GALNTL6: variants seen among roughly 807,000 people sequenced by gnomAD.
GALNTL6 encodes polypeptide N-acetylgalactosaminyltransferase like 6.
GALNTL6 carries 46 observed loss-of-function variants against 73.7 expected under a neutral mutation model. That is an observed-to-expected ratio of 0.62 (90% confidence interval 0.49 to 0.80). The LOEUF (loss-of-function observed/expected upper bound fraction) is 0.80. Ranked by LOEUF, GALNTL6 falls within the 30% of genes least tolerant of loss-of-function variation. The probability of loss-of-function intolerance (pLI) is 0.00; values close to 1 mark genes in which losing one functional copy is unlikely to be tolerated. For missense variants in GALNTL6, 604 were observed against 755.0 expected (o/e 0.80, Z 2.34); for synonymous variants, 259 against 263.7 (o/e 0.98, Z 0.17).
At chr4:172,575,234 C>CCGAGT (rs1736917221) in intron 5 of GALNTL6, among the ~76,000 whole-genome samples, 1 of 152,266 alleles carries the variant, frequency 6.6e-6, no homozygotes, top group African/African-American at 2.4e-5. Context: ...AATCTCTACT[C>CCGAGT]CTTTTATTTT....
Position 171,922,535 on chromosome 4 carries a change from A to AT in GALNTL6, c.138+107828dup, listed in dbSNP as rs60489832. 3.6e-3 allele frequency among the ~76,000 whole-genome samples: 535 copies of AT among 150,030 alleles called. 3 individuals are homozygous for AT. The highest frequency in any genetic ancestry group is 6.0e-3 in the Non-Finnish European group (401 of 67,120). ...ACACATATTTTTATTTATTGTGTGT[A>AT]TTTTTTTTTTTACATTGCTCCTTTT... On this transcript the variant is annotated intron_variant, in intron 2 of 12. Transcript: ENST00000506823.
Position 172,809,032 on chromosome 4 carries a change from T to C in GALNTL6, c.554-329T>C, listed in dbSNP as rs1741135067. Among the ~76,000 whole-genome samples, 2 of 152,234 alleles carry C rather than the reference T, an allele frequency of 1.3e-5. No homozygotes were observed. Among genetic ancestry groups the C allele is most frequent in the Non-Finnish European group, 2.9e-5 (2 of 68,030 alleles). On this transcript the variant is annotated intron_variant, in intron 5 of 12. Coordinates refer to ENST00000506823, the MANE Select transcript of GALNTL6 (RefSeq NM_001034845.3). This position sits in a 1 kb window ranked among gnomAD's most constrained non-coding sequence, Gnocchi z 4.4. ...CATTTCCAGGATTTTCATCTGACTT[T>C]ACCCAGCAGGACCAGAGGGCAGAAG...
intron 5 of GALNTL6, among the ~76,000 whole-genome samples, chr4:172,687,721 A>G (rs1037994026): frequency 1.3e-5 from 2 of 152,092 alleles, no homozygotes; most frequent in Admixed American, 1.3e-4. Context: ...AATGTTTGCA[A>G]TGCATTTGGG....
In GALNTL6 at chr4:172,475,958, A is replaced by G. The variant is rs1469528137; in HGVS notation, c.553+127269A>G. The stretch of plus-strand genomic sequence containing the variant: ...TTTGCCTTTTGCAGCATTTACTTGC[A>G]TCTGGATGCCATAATAATTTTTTTA... On this transcript the variant is annotated intron_variant, in intron 5 of 12. Coordinates refer to ENST00000506823, the MANE Select transcript of GALNTL6 (RefSeq NM_001034845.3). 2.6e-5 allele frequency among the ~76,000 whole-genome samples: 4 copies of G among 152,234 alleles called. No homozygotes were observed. In the East Asian group the frequency reaches 7.7e-4, roughly 29 times the overall value.
At chr4:172,839,197 G>C (rs527903106) in intron 7 of GALNTL6, among the ~76,000 whole-genome samples, 1 of 152,284 alleles carries the variant, frequency 6.6e-6, no homozygotes, top group East Asian at 1.9e-4. Flanking sequence ...GGTCTGAGCC[G>C]AAACCCAATA....
At chr4:172,912,391 G>A (rs1747256441) in intron 8 of GALNTL6, among the ~76,000 whole-genome samples, 1 of 152,166 alleles carries the variant, frequency 6.6e-6, no homozygotes, top group African/African-American at 2.4e-5. Context: ...TGCAGCCCGT[G>A]GAGTGTGAGC....
intron 5 of GALNTL6, among the ~76,000 whole-genome samples, chr4:172,776,194 T>C (rs752057663): frequency 2.0e-5 from 3 of 152,224 alleles, no homozygotes; most frequent in Non-Finnish European, 2.9e-5. Context: ...GAAACGCTAA[T>C]GTAAGATTTT....
intron 2 of GALNTL6, among the ~76,000 whole-genome samples, chr4:171,895,106 A>C (rs972939264): frequency 6.6e-6 from 1 of 152,212 alleles, no homozygotes; most frequent in Non-Finnish European, 1.5e-5. Flanking sequence ...TGGGGACTGT[A>C]ATGTCTACAT....
chr4:172,410,802 A>T (rs116103881), intron 5 of GALNTL6, among the ~76,000 whole-genome samples: 2,894 of 152,106 alleles, frequency 0.019, 85 homozygotes, highest in African/African-American at 0.064. Flanking sequence ...TTTATTTCTC[A>T]CTTTATTTTC....
At chr4:172,083,092 A>ATC (rs1257917687) in intron 2 of GALNTL6, among the ~76,000 whole-genome samples, 1 of 152,110 alleles carries the variant, frequency 6.6e-6, no homozygotes, top group Non-Finnish European at 1.5e-5. Context: ...TCACCTCTTA[A>ATC]TCTCATGCTT....
rs182497124 is a variant in GALNTL6 at position 172,930,837 on chromosome 4, G to T, written c.1042-324G>T. Among the ~76,000 whole-genome samples the T allele has an allele frequency of 4.8e-3, 724 of 152,118 alleles. 9 individuals are homozygous for T. Among genetic ancestry groups the T allele is most frequent in the African/African-American group, 0.016 (681 of 41,526 alleles). The stretch of plus-strand genomic sequence containing the variant: ...ACACCACCACACCCAGCTAATTTTT[G>T]TATTTTTTGTAGAAATGTGGTTTCG... On this transcript the variant is annotated intron_variant, in intron 8 of 12. Coordinates refer to ENST00000506823, the MANE Select transcript of GALNTL6 (RefSeq NM_001034845.3).
chr4:172,354,672 A>G (rs1742089336), intron 5 of GALNTL6, among the ~76,000 whole-genome samples: 1 of 152,136 alleles, frequency 6.6e-6, no homozygotes, highest in Non-Finnish European at 1.5e-5. Context: ...GTCTTTGTGC[A>G]TTCGTAAAAG....
chr4:172,801,420 T>C (rs550738698), intron 5 of GALNTL6, among the ~76,000 whole-genome samples: 8 of 152,310 alleles, frequency 5.3e-5, no homozygotes, highest in African/African-American at 1.9e-4. Flanking sequence ...CTCTTACACA[T>C]TGTCTTTTTT....
intron 2 of GALNTL6, among the ~76,000 whole-genome samples, chr4:172,118,925 A>C (rs952778992): frequency 6.6e-6 from 1 of 152,018 alleles, no homozygotes; most frequent in African/African-American, 2.4e-5. Flanking sequence ...TCACTTGAAC[A>C]GTAATTTCCT....
At chr4:171,849,718 A>T (rs1465468708) in intron 2 of GALNTL6, among the ~76,000 whole-genome samples, 1 of 152,168 alleles carries the variant, frequency 6.6e-6, no homozygotes, top group African/African-American at 2.4e-5. Context: ...TGGAAAAGAT[A>T]CTTTTATTTT....
chr4:172,893,297 G>A (rs147409083), intron 8 of GALNTL6, among the ~76,000 whole-genome samples: 3 of 150,520 alleles, frequency 2.0e-5, no homozygotes, highest in African/African-American at 7.4e-5. Flanking sequence ...CAGCTCCCAC[G>A]CCAGCACACA....
chr4:171,854,182 G>T (rs1186653826), intron 2 of GALNTL6, among the ~76,000 whole-genome samples: 1 of 152,124 alleles, frequency 6.6e-6, no homozygotes, highest in East Asian at 1.9e-4. Context: ...AGGGAAGCGG[G>T]CAGTGTTCAT....
At chr4:172,397,426 A>G (rs902157208) in intron 5 of GALNTL6, among the ~76,000 whole-genome samples, 2 of 152,090 alleles carry the variant, frequency 1.3e-5, no homozygotes, top group Non-Finnish European at 2.9e-5. Flanking sequence ...CCACATGCTA[A>G]TTTCTTACAC....
chr4:172,624,269 T>TTTTG (rs796089055), intron 5 of GALNTL6, among the ~76,000 whole-genome samples: 3 of 152,046 alleles, frequency 2.0e-5, no homozygotes, highest in African/African-American at 4.8e-5. Flanking sequence ...TGTTTTTGTT[T>TTTTG]TTTGTTTGTT....
Sources: allele counts gnomAD v4.1 joint callset (sites outside exome capture counted in the v4.1 genomes callset), GRCh38; gene constraint gnomAD v4.1.1; non-coding constraint Gnocchi (gnomAD v3.1); transcripts MANE v1.5; gene names NCBI Gene and HGNC (gene_info 2026-07-23, HGNC 2026-07-21).